Variants in TBCD observed in about 807,000 individuals in gnomAD.
TBCD encodes tubulin-specific chaperone D.
In TBCD, 105 loss-of-function variants were observed where a neutral mutation model predicts 169.3. The ratio of observed to expected loss-of-function variants is 0.62; its 90% CI spans 0.53 to 0.73. The LOEUF (loss-of-function observed/expected upper bound fraction) is 0.73, where lower values mean the gene tolerates loss of function less well. Among genes scored for constraint, TBCD ranks in the 30% least tolerant of loss-of-function variants. The pLI, the probability that TBCD is intolerant of heterozygous loss-of-function variation, is 0.00. For missense variants in TBCD, 1,444 were observed against 1,600.1 expected, an observed-to-expected ratio of 0.90 and a Z score of 1.66; for synonymous variants, 700 against 643.9, an observed-to-expected ratio of 1.09 and a Z score of -1.32.
In TBCD at chr17:82,776,173, C is replaced by T. The variant is rs574376975; in HGVS notation, c.638+3666C>T. On this transcript the variant is annotated intron_variant, in intron 6 of 38. Transcript: ENST00000355528. ...GGCAGAGGTTGCAGTGAGCAGAGAT[C>T]GCACCATTGCACTCCAGCCTGGGCA... 2.6e-3 allele frequency among the ~76,000 whole-genome samples: 390 copies of T among 152,154 alleles called. 1 individual carries two copies. Among genetic ancestry groups the T allele is most frequent in the Non-Finnish European group, 3.9e-3 (263 of 67,992 alleles).
intron 13 of TBCD, among the ~76,000 whole-genome samples, chr17:82,853,596 G>A (rs1293870028): frequency 3.3e-5 from 5 of 151,214 alleles, no homozygotes; most frequent in African/African-American, 7.3e-5. Context: ...TTGTAGAGAC[G>A]GTCTCACCAT....
chr17:82,830,666 G>C, intron 13 of TBCD: 1 of 1,614,144 alleles, frequency 6.2e-7, no homozygotes, highest in Non-Finnish European at 8.5e-7. Context: ...AGATTGAGTG[G>C]AAGGTCCTGC....
intron 15 of TBCD, among the ~76,000 whole-genome samples, chr17:82,887,184 T>TGC (rs2058814160): frequency 9.1e-6 from 1 of 109,998 alleles, no homozygotes; most frequent in Non-Finnish European, 2.0e-5. Flanking sequence ...CGCGCGCACG[T>TGC]GCGCTCACGC....
chr17:82,795,670 G>A, intron 7 of TBCD: 1 of 922,634 alleles, frequency 1.1e-6, no homozygotes. Flanking sequence ...GGTGGCATCA[G>A]TGACAGCCGC....
rs1568079840 is a variant in TBCD, at chr17:82,930,653, G to GCC, written c.3113+10_3113+11insCC. The GCC allele has an allele frequency of 4.3e-6, 7 of 1,613,952 alleles. No homozygotes were observed. Among genetic ancestry groups the GCC allele is most frequent in the Admixed American group, 3.3e-5 (2 of 60,030 alleles). On this transcript the variant is annotated intron_variant, in intron 33 of 38. Coordinates refer to ENST00000355528, the MANE Select transcript of TBCD (RefSeq NM_005993.5). This position sits in a 1 kb window ranked among gnomAD's most constrained non-coding sequence, Gnocchi z 5.2. ...ACCTTCTGAATGAGAGGTGAGTGGT[G>GCC]TCTCTTGGGGCCTCAGAGGCGTGAG...
rs546458946 is a variant in TBCD, at chr17:82,902,241, G to A, written c.1731-1164G>A. Among the ~76,000 whole-genome samples the A allele has an allele frequency of 8.5e-5, 13 of 152,314 alleles. 1 individual carries two copies. The highest frequency in any genetic ancestry group is 5.2e-4 in the Admixed American group (8 of 15,296). On this transcript the variant is annotated intron_variant, in intron 18 of 38. Coordinates refer to ENST00000355528, the MANE Select transcript of TBCD (RefSeq NM_005993.5). ...GATGACTGGTGTAGTACCTGAGTTG[G>A]CAAGCCTTTTCTTTGAGGGGCTGGA...
At chr17:82,929,715 C>T (rs2062044237) in intron 32 of TBCD, 1 of 696,646 alleles carries the variant, frequency 1.4e-6, no homozygotes, top group African/African-American at 1.8e-5. Flanking sequence ...GAAGGTGGGA[C>T]AGGGCCAGCG....
At position 82,944,384 on chromosome 17, in the gene TBCD, G is replaced by C. The variant is rs1273965804; in HGVS notation, c.*1921G>C. 1 of 152,242 alleles carries C rather than the reference G, an allele frequency of 6.6e-6. No homozygotes were observed. Among genetic ancestry groups the C allele is most frequent in the African/African-American group, 2.4e-5 (1 of 41,456 alleles). The allele number at this position is 152,242 out of a possible 1,614,324, so 9.4% of individuals were successfully genotyped here. On this transcript the variant is annotated 3_prime_UTR_variant, in exon 39 of 39. Transcript: ENST00000355528. ...GGAGCCCACCAGGGTCCAGGTGATA[G>C]AGTTTGGCAAGGAACCCCTTGCTCA...
At chr17:82,927,356 T>C in intron 29 of TBCD, 33 bp downstream of exon 29, 1 of 1,604,156 alleles carries the variant, frequency 6.2e-7, no homozygotes, top group Non-Finnish European at 8.5e-7. Context: ...GCGCTTCTTC[T>C]GAGAAGCCCA....
intron 13 of TBCD, among the ~76,000 whole-genome samples, chr17:82,817,013 T>TA (rs776673392): frequency 1.3e-5 from 2 of 152,226 alleles, no homozygotes; most frequent in African/African-American, 2.4e-5. Flanking sequence ...TTTACTCATT[T>TA]AAAAAAATAT....
chr17:82,799,280 T>C (rs946447120), intron 8 of TBCD, among the ~76,000 whole-genome samples: 22 of 151,456 alleles, frequency 1.5e-4, no homozygotes, highest in African/African-American at 5.1e-4. Flanking sequence ...CCATCTCTAC[T>C]AAAAATACAA....
At chr17:82,895,573 G>A (rs1599315094) in intron 17 of TBCD, among the ~76,000 whole-genome samples, 1 of 152,198 alleles carries the variant, frequency 6.6e-6, no homozygotes, top group African/African-American at 2.4e-5. Context: ...CTGGAAATAA[G>A]GAGAGGGCTT....
Position 82,767,881 on chromosome 17 carries a change from G to A in TBCD, c.436-539G>A, listed in dbSNP as rs145115055. 5.4e-3 allele frequency among the ~76,000 whole-genome samples: 819 copies of A among 152,050 alleles called. 10 individuals are homozygous for A. Among genetic ancestry groups the A allele is most frequent in the African/African-American group, 0.018 (753 of 41,490 alleles). ...GAGGCAGGAGAATGGCGTGAACCCG[G>A]AAGGTGGAGCTTGCAGTGAGCGAGG... is the stretch of plus-strand genomic sequence containing the variant. On this transcript the variant is annotated intron_variant, in intron 4 of 38. Coordinates refer to ENST00000355528, the MANE Select transcript of TBCD (RefSeq NM_005993.5).
intron 6 of TBCD, among the ~76,000 whole-genome samples, chr17:82,776,185 C>T (rs954454637): frequency 8.5e-5 from 13 of 152,090 alleles, no homozygotes; most frequent in African/African-American, 3.1e-4. Flanking sequence ...CACCATTGCA[C>T]TCCAGCCTGG....
chr17:82,926,370 G>C, intron 27 of TBCD, 30 bp from the exon 28 acceptor site: 1 of 1,605,758 alleles, frequency 6.2e-7, no homozygotes, highest in Non-Finnish European at 8.5e-7. Flanking sequence ...ATAGCTTATG[G>C]TTCTTCTGTG....
chr17:82,861,575 C>T (rs560569357), intron 13 of TBCD, among the ~76,000 whole-genome samples: 18 of 152,220 alleles, frequency 1.2e-4, no homozygotes, highest in Non-Finnish European at 2.1e-4. Context: ...GCCATGTGTC[C>T]GGAGAGGGCT....
At chr17:82,891,124 G>T (rs927167223) in intron 16 of TBCD, among the ~76,000 whole-genome samples, 2 of 152,218 alleles carry the variant, frequency 1.3e-5, no homozygotes, top group African/African-American at 4.8e-5. Context: ...GTTCCCAGAT[G>T]CTGCTTCCTG....
chr17:82,860,871 G>A (rs968292013), intron 13 of TBCD, among the ~76,000 whole-genome samples: 3 of 152,326 alleles, frequency 2.0e-5, no homozygotes, highest in Admixed American at 1.3e-4. Context: ...TCTGGCGGGC[G>A]GCACTGGGAC....
In TBCD at chr17:82,766,324, C is replaced by G. The variant is rs2048013072; in HGVS notation, c.391C>G (p.Pro131Ala). 6.2e-7 allele frequency: 1 copy of G among 1,613,224 alleles called. No homozygotes were observed. The highest frequency in any genetic ancestry group is 1.3e-5 in the African/African-American group (1 of 74,862). ...TCCTCATGAAGTTGCCGATGTAGAGCCTGTTTTAGATTTGGTCACAATTCA... is the reference window on the plus strand; with the variant it reads ...TCCTCATGAAGTTGCCGATGTAGAGGCTGTTTTAGATTTGGTCACAATTCA... Reference protein sequence around the residue: ...LFPHEVADVEPVLDLVTIQNP... With the variant: ...LFPHEVADVEAVLDLVTIQNP... Residue 131 changes from proline (P) to alanine (A), a missense_variant, in exon 4 of 39, where the codon CCT (proline) becomes GCT (alanine). Transcript: ENST00000355528.
Sources: allele counts gnomAD v4.1 joint callset (sites outside exome capture counted in the v4.1 genomes callset), GRCh38; gene constraint gnomAD v4.1.1; non-coding constraint Gnocchi (gnomAD v3.1); transcripts MANE v1.5; gene names NCBI Gene and HGNC (gene_info 2026-07-23, HGNC 2026-07-21).